COBLL1: variants seen among roughly 807,000 people sequenced by gnomAD.
COBLL1 encodes cordon-bleu WH2 repeat protein like 1, also known as cordon-bleu protein-like 1.
A neutral mutation model predicts 94.8 loss-of-function variants in COBLL1; 50 were observed. That is an observed-to-expected ratio of 0.53 (90% CI 0.42 to 0.67). The LOEUF (loss-of-function observed/expected upper bound fraction) is 0.67, where lower values mean the gene tolerates loss of function less well. Among genes scored for constraint, COBLL1 ranks in the 30% least tolerant of loss-of-function variants. The probability of loss-of-function intolerance (pLI) is 0.00; values close to 1 mark genes in which losing one functional copy is unlikely to be tolerated. For missense variants in COBLL1, 1,362 were observed against 1,348.7 expected (o/e 1.01, Z -0.15); for synonymous variants, 448 against 473.8 (o/e 0.95, Z 0.71).
chr2:164,783,755 C>T (rs1688819054), intron 2 of COBLL1, among the ~76,000 whole-genome samples: 4 of 151,954 alleles, frequency 2.6e-5, no homozygotes, highest in African/African-American at 9.7e-5. Context: ...ATAGCACGAG[C>T]CAGGAGTTTG....
At chr2:164,775,293 T>C (rs571165367) in intron 2 of COBLL1, among the ~76,000 whole-genome samples, 10 of 152,198 alleles carry the variant, frequency 6.6e-5, no homozygotes, top group South Asian at 6.2e-4. Flanking sequence ...CTCATGCTGC[T>C]CCAGATATTG....
At chr2:164,751,052 C>A (rs950163698) in intron 2 of COBLL1, among the ~76,000 whole-genome samples, 1 of 152,114 alleles carries the variant, frequency 6.6e-6, no homozygotes, top group African/African-American at 2.4e-5. Context: ...TGCCCTCGGT[C>A]CAAAATGCTT....
At chr2:164,748,148 C>T (rs995881199) in intron 2 of COBLL1, among the ~76,000 whole-genome samples, 1 of 152,038 alleles carries the variant, frequency 6.6e-6, no homozygotes, top group Non-Finnish European at 1.5e-5. Context: ...TGTTAGTTCC[C>T]AATTGTGATC....
intron 2 of COBLL1, among the ~76,000 whole-genome samples, chr2:164,752,603 A>G (rs557696354): frequency 2.2e-4 from 33 of 152,298 alleles, no homozygotes; most frequent in Middle Eastern, 6.8e-3. Flanking sequence ...CCAAAAGCAC[A>G]GAGAGCATGG....
At chr2:164,671,338 T>G (rs185114752) in intron 1 of COBLL1, among the ~76,000 whole-genome samples, 1 of 152,324 alleles carries the variant, frequency 6.6e-6, no homozygotes, top group Non-Finnish European at 1.5e-5. Flanking sequence ...GAACCTATTC[T>G]TTGATGACAT....
intron 2 of COBLL1, among the ~76,000 whole-genome samples, chr2:164,797,629 T>C (rs1683533687): frequency 6.6e-6 from 1 of 152,186 alleles, no homozygotes; most frequent in Non-Finnish European, 1.5e-5. Flanking sequence ...ATACCCATCC[T>C]TCATCAAAAT....
intron 2 of COBLL1, among the ~76,000 whole-genome samples, chr2:164,838,790 C>T (rs1303681587): frequency 1.3e-5 from 2 of 152,176 alleles, no homozygotes; most frequent in African/African-American, 4.8e-5. Context: ...GCTTCATTGT[C>T]TATTAAAGTA....
chr2:164,785,667 G>C (rs192292391), intron 2 of COBLL1, among the ~76,000 whole-genome samples: 1 of 152,040 alleles, frequency 6.6e-6, no homozygotes, highest in Non-Finnish European at 1.5e-5. Flanking sequence ...ATGTAGCTGA[G>C]TACTTGCTAT....
At chr2:164,691,819 T>C (rs1683610656) in intron 13 of COBLL1, among the ~76,000 whole-genome samples, 1 of 152,170 alleles carries the variant, frequency 6.6e-6, no homozygotes, top group African/African-American at 2.4e-5. Context: ...CTAAGCCTCA[T>C]ATATGTTAGT....
At chr2:164,712,104 T>G (rs1684928996) in intron 7 of COBLL1, among the ~76,000 whole-genome samples, 1 of 152,130 alleles carries the variant, frequency 6.6e-6, no homozygotes, top group African/African-American at 2.4e-5. Context: ...CCAACTAAAT[T>G]TAGCTGAAGA....
chr2:164,709,177 A>G (rs190660928), intron 7 of COBLL1, among the ~76,000 whole-genome samples: 3 of 152,342 alleles, frequency 2.0e-5, no homozygotes, highest in Admixed American at 1.3e-4. Context: ...TTTATGGATA[A>G]AGAATTTAAA....
intron 2 of COBLL1, among the ~76,000 whole-genome samples, chr2:164,750,802 A>G (rs897201385): frequency 6.6e-6 from 1 of 152,180 alleles, no homozygotes; most frequent in Non-Finnish European, 1.5e-5. Context: ...AGCAGCAGCC[A>G]TAGTACTTGG....
chr2:164,820,912 G>C (rs1256504357), intron 2 of COBLL1, among the ~76,000 whole-genome samples: 1 of 152,124 alleles, frequency 6.6e-6, no homozygotes, highest in Non-Finnish European at 1.5e-5. Context: ...TTTTGAGATG[G>C]AGTCTTGCTC....
chr2:164,841,036 T>C lies in COBLL1; in HGVS notation c.41+120A>G. ...GCCTCCCCGGCCGCGTGGAGGACAG[T>C]CAGTGAGTCAGGCCGCCGGCAGGGC... is the stretch of plus-strand genomic sequence containing the variant. On this transcript the variant is annotated intron_variant, in intron 2 of 13. Coordinates refer to ENST00000652658, the MANE Select transcript of COBLL1 (RefSeq NM_001365672.2). This position sits in a 1 kb window ranked among gnomAD's most constrained non-coding sequence, Gnocchi z 5.5. 4 of 1,071,534 alleles carry C rather than the reference T, an allele frequency of 3.7e-6. No homozygotes were observed. Among genetic ancestry groups the C allele is most frequent in the Non-Finnish European group, 4.7e-6 (4 of 844,184 alleles). 66.4% of individuals were successfully genotyped at this position (1,071,534 alleles called of 1,614,324 possible).
At position 164,805,331 on chromosome 2, in the gene COBLL1, C is replaced by CTATA. The variant is rs1287905601; in HGVS notation, c.41+35824_41+35825insTATA. On this transcript the variant is annotated intron_variant, in intron 2 of 13. Coordinates refer to ENST00000652658, the MANE Select transcript of COBLL1 (RefSeq NM_001365672.2). ...TCTCTCTCTCTCTCTCTCTCTCTCT[C>CTATA]TCTCTCTATATATATATATATATAT... Among the ~76,000 whole-genome samples the CTATA allele has an allele frequency of 9.4e-3, 199 of 21,248 alleles. 1 individual carries two copies. The highest frequency in any genetic ancestry group is 0.013 in the Non-Finnish European group (148 of 11,576). The allele number at this position is 21,248 out of a possible 152,430, so 13.9% of individuals were successfully genotyped here.
At chr2:164,658,817 T>C (rs887649705) in intron 2 of COBLL1, among the ~76,000 whole-genome samples, 1 of 152,232 alleles carries the variant, frequency 6.6e-6, no homozygotes, top group African/African-American at 2.4e-5. Context: ...TTTCTCCTGC[T>C]GAGCATTGGG....
Position 164,823,300 on chromosome 2 carries a change from CAAAT to C in COBLL1, c.41+17852_41+17855del, listed in dbSNP as rs1685271945. ...AGTATCTGACGCATTGTTTATTTAACAAATACTTACTGAAAATCAACAAACTGTT... is the reference window on the plus strand; with the variant it reads ...AGTATCTGACGCATTGTTTATTTAACACTTACTGAAAATCAACAAACTGTT... On this transcript the variant is annotated intron_variant, in intron 2 of 13. Coordinates refer to ENST00000652658, the MANE Select transcript of COBLL1 (RefSeq NM_001365672.2). 1.3e-5 allele frequency among the ~76,000 whole-genome samples: 2 copies of C among 152,182 alleles called. 1 individual carries two copies. The highest frequency in any genetic ancestry group is 4.1e-4 in the South Asian group (2 of 4,830).
At chr2:164,721,433 T>C (rs1304860085) in intron 7 of COBLL1, among the ~76,000 whole-genome samples, 1 of 152,138 alleles carries the variant, frequency 6.6e-6, no homozygotes, top group Non-Finnish European at 1.5e-5. Flanking sequence ...CTCCACAAAA[T>C]GGCAAACTCA....
chr2:164,707,767 G>C (rs1684680214), intron 7 of COBLL1, among the ~76,000 whole-genome samples: 1 of 152,130 alleles, frequency 6.6e-6, no homozygotes, highest in African/African-American at 2.4e-5. Context: ...CAGACCAGGG[G>C]CACGTGTAAA....
Sources: allele counts gnomAD v4.1 joint callset (sites outside exome capture counted in the v4.1 genomes callset), GRCh38; gene constraint gnomAD v4.1.1; non-coding constraint Gnocchi (gnomAD v3.1); transcripts MANE v1.5; gene names NCBI Gene and HGNC (gene_info 2026-07-23, HGNC 2026-07-21).